The following SRGAP2C variants were observed in gnomAD, a reference collection of about 807,000 sequenced individuals.
The protein encoded by SRGAP2C is SLIT-ROBO Rho GTPase-activating protein 2C.
A neutral mutation model predicts 25.1 loss-of-function variants in SRGAP2C; 15 were observed. That is an observed-to-expected ratio of 0.60 (90% CI 0.40 to 0.92). The LOEUF (loss-of-function observed/expected upper bound fraction) is 0.92. SRGAP2C is among the 40% of genes least tolerant of loss of function. The pLI is 0.00. For synonymous variants in SRGAP2C, 44 were observed against 96.6 expected (o/e 0.46, Z 3.19); for missense variants, 144 against 264.4 (o/e 0.54, Z 3.16).
At chr1:121,285,503 C>G (rs1214997246) in intron 3 of SRGAP2C, among the ~76,000 whole-genome samples, 1 of 147,840 alleles carries the variant, frequency 6.8e-6, no homozygotes, top group South Asian at 2.2e-4. Flanking sequence ...TTTCACCAAA[C>G]TGTCTTTAAT....
At chr1:121,269,963 T>C (rs1553335004) in intron 2 of SRGAP2C, among the ~76,000 whole-genome samples, 1 of 151,688 alleles carries the variant, frequency 6.6e-6, no homozygotes, top group Admixed American at 6.6e-5. Context: ...TTGTTGTTTC[T>C]TTTTTTGCCT....
rs782664532 is a variant in SRGAP2C at position 121,374,973 on chromosome 1, G to A, written c.831+19G>A. On this transcript the variant is annotated intron_variant, in intron 7 of 9. Transcript: ENST00000367123. Reference sequence around the variant, plus strand: ...TATTGATGTAAGTGCTTAAAGCCAAGGGCCTGAGGGCCCCTCTTTTCTGGT... The same window carrying A: ...TATTGATGTAAGTGCTTAAAGCCAAAGGCCTGAGGGCCCCTCTTTTCTGGT... The A allele has an allele frequency of 1.3e-6, 1 of 772,008 alleles. No homozygotes were observed. 47.8% of individuals were successfully genotyped at this position (772,008 alleles called of 1,614,324 possible).
intron 5 of SRGAP2C, among the ~76,000 whole-genome samples, chr1:121,371,976 T>C (rs1570819993): frequency 1.3e-5 from 2 of 152,134 alleles, no homozygotes; most frequent in East Asian, 3.9e-4. Context: ...CACTTCTTAG[T>C]TAACCTGGAA....
At chr1:121,239,744 T>G in intron 2 of SRGAP2C, among the ~76,000 whole-genome samples, 1 of 151,994 alleles carries the variant, frequency 6.6e-6, no homozygotes, top group East Asian at 1.9e-4. Flanking sequence ...GCTGCCTATT[T>G]TTATGAATAA....
At chr1:121,285,811 G>A (rs1385977978) in intron 3 of SRGAP2C, among the ~76,000 whole-genome samples, 2 of 149,388 alleles carry the variant, frequency 1.3e-5, no homozygotes, top group African/African-American at 2.5e-5. Flanking sequence ...ATCTCTGGGA[G>A]TGAGGCCTGG....
chr1:121,196,977 A>T (rs1333392316), intron 2 of SRGAP2C, among the ~76,000 whole-genome samples: 2 of 151,548 alleles, frequency 1.3e-5, no homozygotes, highest in Non-Finnish European at 2.9e-5. Context: ...GTAGCATAAA[A>T]GACTGTTAAT....
At chr1:121,198,320 T>C (rs1654892070) in intron 2 of SRGAP2C, among the ~76,000 whole-genome samples, 2 of 150,500 alleles carry the variant, frequency 1.3e-5, no homozygotes, top group African/African-American at 4.9e-5. Context: ...TTCTTAACCA[T>C]ATCTTCTAAA....
intron 3 of SRGAP2C, among the ~76,000 whole-genome samples, chr1:121,314,682 G>GCCAA: frequency 4.0e-5 from 6 of 149,882 alleles, no homozygotes; most frequent in African/African-American, 1.2e-4. Context: ...GGAATACCCT[G>GCCAA]CTGTGTGAGG....
At chr1:121,308,951 A>G in intron 3 of SRGAP2C, among the ~76,000 whole-genome samples, 1 of 131,384 alleles carries the variant, frequency 7.6e-6, no homozygotes, top group Non-Finnish European at 1.6e-5. Flanking sequence ...AAAAAAAAAA[A>G]AAAAAGGAAG....
At chr1:121,279,033 G>A (rs1206269343) in intron 2 of SRGAP2C, among the ~76,000 whole-genome samples, 2 of 152,230 alleles carry the variant, frequency 1.3e-5, no homozygotes, top group East Asian at 3.9e-4. Flanking sequence ...CTAAAAGCAG[G>A]TGAGGCAGAT....
chr1:121,268,230 G>T lies in SRGAP2C; in HGVS notation c.68-16573G>T, dbSNP rs587672501. Among the ~76,000 whole-genome samples the T allele has an allele frequency of 4.1e-3, 613 of 151,350 alleles. 9 individuals carry two copies. Among genetic ancestry groups the T allele is most frequent in the African/African-American group, 0.014 (566 of 41,402 alleles). ...ATGGAGTGGTCACAAAGGCTGCTGT[G>T]AGCAGAGAGCTCAATGAAGTGAGAG... On this transcript the variant is annotated intron_variant, in intron 2 of 9. Coordinates refer to ENST00000367123, the MANE Select transcript of SRGAP2C (RefSeq NM_001329984.2).
chr1:121,337,654 T>A (rs1335179714), intron 4 of SRGAP2C, among the ~76,000 whole-genome samples: 2 of 148,490 alleles, frequency 1.3e-5, no homozygotes, highest in African/African-American at 5.0e-5. Context: ...AATAAATAAA[T>A]AAATAAAATA....
chr1:121,265,130 C>A, intron 2 of SRGAP2C, among the ~76,000 whole-genome samples: 2 of 123,222 alleles, frequency 1.6e-5, no homozygotes, highest in Non-Finnish European at 1.7e-5. Flanking sequence ...ACCCAGGAGG[C>A]AGAGGCCGCA....
intron 2 of SRGAP2C, among the ~76,000 whole-genome samples, chr1:121,235,081 G>A (rs1467080314): frequency 2.8e-5 from 4 of 142,458 alleles, no homozygotes; most frequent in Admixed American, 2.1e-4. Flanking sequence ...GAGTGCAGTG[G>A]CTAGATCTCG....
chr1:121,343,176 C>T (rs1470046902), intron 4 of SRGAP2C, among the ~76,000 whole-genome samples: 1 of 151,740 alleles, frequency 6.6e-6, no homozygotes, highest in Non-Finnish European at 1.5e-5. Context: ...CTTAAGGCCA[C>T]ACAGATTTTT....
intron 4 of SRGAP2C, chr1:121,360,202 G>T (rs1226858698): frequency 6.9e-6 from 1 of 144,118 alleles, no homozygotes; most frequent in African/African-American, 2.6e-5. Flanking sequence ...ATGCTGTATT[G>T]CAATAAAAAA....
chr1:121,375,077 G>A lies in SRGAP2C; in HGVS notation c.831+123G>A, dbSNP rs1659606422. 4 of 622,436 alleles carry A rather than the reference G, an allele frequency of 6.4e-6. No individual in the cohort carries two copies. The African/African-American group carries it at 7.4e-5, about 12-fold the overall frequency. 38.6% of individuals were successfully genotyped at this position (622,436 alleles called of 1,614,324 possible). A position where few individuals can be genotyped will look rare whatever the true frequency, so the allele number is the denominator to read the frequency against. On this transcript the variant is annotated intron_variant, in intron 7 of 9. Transcript: ENST00000367123. ...TTTGAGAACAATTAGGAAGATAGCA[G>A]CCATGATCCATCAGAGTGCTTGCCA...
intron 3 of SRGAP2C, among the ~76,000 whole-genome samples, chr1:121,303,981 G>A (rs1404353032): frequency 3.4e-5 from 5 of 146,432 alleles, no homozygotes; most frequent in Non-Finnish European, 4.5e-5. Context: ...GAGGCGGGCC[G>A]ATCATGAGGT....
At position 121,391,050 on chromosome 1, in the gene SRGAP2C, AAAG is replaced by A. The variant is rs1432984765; in HGVS notation, c.*3198_*3200del. 8.7e-5 allele frequency: 12 copies of A among 138,118 alleles called. No individual in the cohort carries two copies. The highest frequency in any genetic ancestry group is 1.6e-4 in the African/African-American group (6 of 37,348). The allele number at this position is 138,118 out of a possible 1,614,324, so 8.6% of individuals were successfully genotyped here. On this transcript the variant is annotated 3_prime_UTR_variant, in exon 10 of 10. Transcript: ENST00000367123. ...AGTAAGACTCTGCCTAAAAAAAAAA[AAAG>A]AAAGATTAAAAAATAAATAAATCTG...
Sources: gnomAD v4.1 joint callset for allele counts (sites outside exome capture counted in the v4.1 genomes callset) on GRCh38, gnomAD v4.1.1 for gene constraint, MANE v1.5 for transcripts, NCBI Gene and HGNC (gene_info 2026-07-23, HGNC 2026-07-21) for gene names.